The following TP73 variants were observed in gnomAD, a reference collection of about 807,000 sequenced individuals.
TP73 encodes p53-like transcription factor.
TP73 carries 25 observed loss-of-function variants against 62.5 expected under a neutral mutation model. That is an observed-to-expected ratio of 0.40 (90% CI 0.29 to 0.56). The LOEUF (loss-of-function observed/expected upper bound fraction) is 0.56, where lower values mean the gene tolerates loss of function less well. Among genes scored for constraint, TP73 ranks in the 20% least tolerant of loss-of-function variants. The pLI is 0.46. For synonymous variants in TP73, 423 were observed against 377.5 expected, an observed-to-expected ratio of 1.12 and a Z score of -1.40; for missense variants, 754 against 913.3, an observed-to-expected ratio of 0.83 and a Z score of 2.25.
At chr1:3,708,130 A>C in intron 4 of TP73, 1 of 375,898 alleles carries the variant, frequency 2.7e-6, no homozygotes, top group Non-Finnish European at 5.0e-6. Flanking sequence ...TGTCCTGGAC[A>C]GAGGCACGGG....
At chr1:3,675,515 G>A (rs1160932596) in intron 1 of TP73, among the ~76,000 whole-genome samples, 1 of 152,176 alleles carries the variant, frequency 6.6e-6, no homozygotes, top group Non-Finnish European at 1.5e-5. Flanking sequence ...CTGAATGGAG[G>A]AGGACACCCT....
chr1:3,668,559 G>T (rs908448792), intron 1 of TP73: 1 of 147,844 alleles, frequency 6.8e-6, no homozygotes, highest in Non-Finnish European at 1.5e-5. Context: ...TTGTTGGTAG[G>T]ACCAAAACGG....
intron 3 of TP73, among the ~76,000 whole-genome samples, chr1:3,703,332 G>A (rs895504355): frequency 1.3e-5 from 2 of 152,184 alleles, no homozygotes; most frequent in Admixed American, 1.3e-4. Context: ...GTGTCACTGA[G>A]CCTGAGGATG....
chr1:3,729,794 C>T, intron 10 of TP73: 1 of 820,162 alleles, frequency 1.2e-6, no homozygotes. Context: ...CCTCCCGGCC[C>T]CGCCATGGCC....
At chr1:3,717,364 G>T (rs114839520) in intron 4 of TP73, among the ~76,000 whole-genome samples, 1 of 152,218 alleles carries the variant, frequency 6.6e-6, no homozygotes, top group Non-Finnish European at 1.5e-5. Context: ...AGCCGGCAGC[G>T]TGGGGAGGGA....
chr1:3,697,812 G>A (rs968841913), intron 3 of TP73, among the ~76,000 whole-genome samples: 1 of 152,220 alleles, frequency 6.6e-6, no homozygotes, highest in African/African-American at 2.4e-5. Context: ...TGATTCCTGA[G>A]CAAGCATGCT....
chr1:3,722,678 T>C (rs1363556454), intron 5 of TP73, among the ~76,000 whole-genome samples: 2 of 111,008 alleles, frequency 1.8e-5, no homozygotes, highest in Non-Finnish European at 3.3e-5. Flanking sequence ...GGCGCCTCTC[T>C]GCACCTGGCA....
chr1:3,706,851 C>T (rs564456693), intron 3 of TP73, among the ~76,000 whole-genome samples: 6 of 152,128 alleles, frequency 3.9e-5, no homozygotes, highest in Non-Finnish European at 5.9e-5. Flanking sequence ...AGGGGCCTAA[C>T]GAGAGAACCC....
chr1:3,659,768 GC>G (rs1413265281), intron 1 of TP73, among the ~76,000 whole-genome samples: 1 of 152,084 alleles, frequency 6.6e-6, no homozygotes, highest in Admixed American at 6.6e-5. Flanking sequence ...TGCAAACTCT[GC>G]CTCCCGGGTT....
chr1:3,719,421 C>T (rs111428411), intron 4 of TP73, among the ~76,000 whole-genome samples: 1,778 of 152,336 alleles, frequency 0.012, 16 homozygotes, highest in Non-Finnish European at 0.016. Context: ...CTGCTCGGGG[C>T]ACTGGCAGAC....
intron 6 of TP73, among the ~76,000 whole-genome samples, chr1:3,726,641 GTGGATGGA>G (rs918618757): frequency 7.2e-6 from 1 of 138,164 alleles, no homozygotes; most frequent in Non-Finnish European, 1.6e-5. Context: ...GATGGATGGG[GTGGATGGA>G]TGGATGGATT....
intron 1 of TP73, among the ~76,000 whole-genome samples, chr1:3,667,247 T>C (rs1229561286): frequency 1.3e-5 from 2 of 152,152 alleles, no homozygotes; most frequent in African/African-American, 4.8e-5. Flanking sequence ...GGAAATGTAT[T>C]CTCCCGGGGT....
rs565211082 is a variant in TP73, at chr1:3,699,182, G to A, written c.187-8367G>A. Among the ~76,000 whole-genome samples the A allele has an allele frequency of 3.9e-5, 6 of 152,250 alleles. No homozygotes were observed. The East Asian group carries it at 7.7e-4, about 20-fold the overall frequency. ...TCGAATCTTGTTGGCATTTCCATTC[G>A]TTTAATCACGGGCTCCGGGAGATGC... On this transcript the variant is annotated intron_variant, in intron 3 of 13. Coordinates refer to ENST00000378295, the MANE Select transcript of TP73 (RefSeq NM_005427.4). The surrounding 1 kb of genome is among the most constrained non-coding windows in gnomAD (Gnocchi z 4.1).
intron 1 of TP73, among the ~76,000 whole-genome samples, chr1:3,679,913 GTCTC>G (rs775098144): frequency 1.9e-4 from 27 of 144,770 alleles, no homozygotes; most frequent in African/African-American, 3.9e-4. Flanking sequence ...CTCTCTTCCT[GTCTC>G]TCTCTATCTC....
intron 1 of TP73, 33 bp from the exon 2 acceptor site, chr1:3,682,300 G>A: frequency 7.1e-7 from 1 of 1,400,418 alleles, no homozygotes; most frequent in Non-Finnish European, 9.5e-7. Flanking sequence ...CGAGTTCCCA[G>A]GGTGCTCAGG....
At chr1:3,731,781 G>A (rs6695978) in intron 13 of TP73, among the ~76,000 whole-genome samples, 11,041 of 152,308 alleles carry the variant, frequency 0.072, 618 homozygotes, top group East Asian at 0.22. Context: ...TGCTGAACTG[G>A]TCATTTGAGC....
At chr1:3,665,901 A>G (rs1645101810) in intron 1 of TP73, among the ~76,000 whole-genome samples, 1 of 145,932 alleles carries the variant, frequency 6.9e-6, no homozygotes, top group Admixed American at 6.9e-5. Flanking sequence ...TTGGGAGGCC[A>G]AGGCAGGTGG....
chr1:3,690,096 T>A (rs1645772672), intron 3 of TP73, among the ~76,000 whole-genome samples: 1 of 152,130 alleles, frequency 6.6e-6, no homozygotes, highest in Non-Finnish European at 1.5e-5. Flanking sequence ...TTGTCCCTGT[T>A]TCCTGGGGGC....
intron 3 of TP73, among the ~76,000 whole-genome samples, chr1:3,692,497 C>T (rs1645872634): frequency 6.6e-6 from 1 of 152,228 alleles, no homozygotes; most frequent in African/African-American, 2.4e-5. Context: ...CTGTCACCCA[C>T]TTGTGCATTG....
Sources: gnomAD v4.1 joint callset for allele counts (sites outside exome capture counted in the v4.1 genomes callset) on GRCh38, gnomAD v4.1.1 for gene constraint, Gnocchi (gnomAD v3.1) non-coding constraint, MANE v1.5 for transcripts, NCBI Gene and HGNC (gene_info 2026-07-23, HGNC 2026-07-21) for gene names.